Variants in USP30 observed in about 807,000 individuals in gnomAD.
USP30 encodes the protein ubiquitin carboxyl-terminal hydrolase 30.
In USP30, 41 loss-of-function variants were observed where a neutral mutation model predicts 68.2. That is an observed-to-expected ratio of 0.60 (90% CI 0.47 to 0.78). The LOEUF is 0.78. Ranked by LOEUF, USP30 falls within the 30% of genes least tolerant of loss-of-function variation. The pLI, the probability that USP30 is intolerant of heterozygous loss-of-function variation, is 0.00. For synonymous variants in USP30, 229 were observed against 253.7 expected (o/e 0.90, Z 0.93); for missense variants, 522 against 649.4 (o/e 0.80, Z 2.13).
rs114685744 is a variant in USP30 at position 109,026,046 on chromosome 12, T to C, written c.-228+974T>C. Among the ~76,000 whole-genome samples, 1,230 of 152,170 alleles carry C rather than the reference T, an allele frequency of 8.1e-3. 13 individuals carry two copies. Among genetic ancestry groups the C allele is most frequent in the African/African-American group, 0.027 (1,140 of 41,530 alleles). On this transcript the variant is annotated intron_variant, in intron 2 of 15. Coordinates refer to the USP30 transcript ENST00000392784. ...TTTATTTTTAAAACCATGTGTATCTTACTACCATGATTCTTTTAAATAATT... is the reference window on the plus strand; with the variant it reads ...TTTATTTTTAAAACCATGTGTATCTCACTACCATGATTCTTTTAAATAATT...
intron 3 of USP30, among the ~76,000 whole-genome samples, chr12:109,029,893 C>T (rs1334288027): frequency 2.0e-5 from 3 of 152,252 alleles, no homozygotes; most frequent in Admixed American, 2.0e-4. Context: ...TAATGGTACC[C>T]TATCTGTTAA....
upstream of USP30, among the ~76,000 whole-genome samples, chr12:109,048,047 ATCATGGG>A (rs1380117547): frequency 2.7e-5 from 4 of 148,588 alleles, no homozygotes; most frequent in Non-Finnish European, 5.9e-5. Flanking sequence ...GAGTGATGTG[ATCATGGG>A]TCTGACGTCT....
intron 3 of USP30, among the ~76,000 whole-genome samples, chr12:109,043,210 C>T (rs1323990103): frequency 1.3e-5 from 2 of 152,130 alleles, no homozygotes; most frequent in African/African-American, 4.8e-5. Flanking sequence ...CTGTCAAAAT[C>T]CCGTTTACTT....
At chr12:109,034,900 T>C (rs2040508227) in intron 3 of USP30, among the ~76,000 whole-genome samples, 2 of 152,240 alleles carry the variant, frequency 1.3e-5, no homozygotes, top group Admixed American at 6.5e-5. Context: ...ACAATTTTTG[T>C]CTCAAAGTCT....
intron 7 of USP30, among the ~76,000 whole-genome samples, chr12:109,079,333 C>CT (rs2041711530): frequency 2.9e-5 from 1 of 34,578 alleles, no homozygotes; most frequent in Non-Finnish European, 6.7e-5. Context: ...TTTTTCTTTT[C>CT]TTTTTCTTTT....
At chr12:109,035,676 T>C (rs73413051) in intron 3 of USP30, among the ~76,000 whole-genome samples, 4,542 of 152,280 alleles carry the variant, frequency 0.03, 192 homozygotes, top group African/African-American at 0.094. Flanking sequence ...TTTTGATTTA[T>C]AACAATCTAG....
At chr12:109,051,933 T>C (rs2040681855), upstream of USP30, among the ~76,000 whole-genome samples, 1 of 152,168 alleles carries the variant, frequency 6.6e-6, no homozygotes. Flanking sequence ...GTGGCTCCTG[T>C]ATATTTCTGT....
chr12:109,078,393 C>T (rs1229201526), intron 7 of USP30, among the ~76,000 whole-genome samples: 3 of 151,376 alleles, frequency 2.0e-5, no homozygotes, highest in Admixed American at 6.6e-5. Flanking sequence ...CACTGCACTT[C>T]AGTCTGGGCG....
At position 109,082,851 on chromosome 12, in the gene USP30, G is replaced by A; in HGVS notation, c.957G>A (p.Gln319=). The change falls in exon 11 of 13, where the codon CAG becomes CAA. Residue 319 remains glutamine, a synonymous_variant. Coordinates refer to ENST00000257548, the MANE Select transcript of USP30 (RefSeq NM_032663.5). ...VKQLKLGKLP[Q]CLCIHLQRLS... is the part of the protein sequence containing the mutation. ...TTCTCTTCCACCCGCAGCTCCCTCA[G>A]TGTCTCTGCATCCACCTACAGCGGC... 6.2e-7 allele frequency: 1 copy of A among 1,613,764 alleles called. No homozygotes were observed. The highest frequency in any genetic ancestry group is 1.7e-5 in the Admixed American group (1 of 60,000).
At chr12:109,082,158 T>G in intron 9 of USP30, 139 bp downstream of exon 9, 2 of 876,058 alleles carry the variant, frequency 2.3e-6, no homozygotes, top group Non-Finnish European at 3.6e-6. Context: ...TAATTTGGTT[T>G]GGACATTGGC....
chr12:109,060,631 C>T (rs1000411724), intron 3 of USP30, among the ~76,000 whole-genome samples: 16 of 152,004 alleles, frequency 1.1e-4, no homozygotes, highest in African/African-American at 7.2e-5. Context: ...ATTTTAAATG[C>T]GAAAATAGAA....
At chr12:109,079,339 CTTTTTTTTTTTCTTTTTTTTTTTTTTT>C (rs2041717968) in intron 7 of USP30, among the ~76,000 whole-genome samples, 2 of 62,250 alleles carry the variant, frequency 3.2e-5, no homozygotes, top group Admixed American at 4.7e-4. Flanking sequence ...TTTTCTTTTT[CTTTTTTTTTTTCTTTTTTTTTTTTTTT>C]TTTTTTTTTT....
chr12:109,026,312 G>T (rs2040444695), intron 2 of USP30, among the ~76,000 whole-genome samples: 2 of 152,096 alleles, frequency 1.3e-5, no homozygotes, highest in Admixed American at 1.3e-4. Context: ...CTGGGCTCAA[G>T]TGATCCACCC....
chr12:109,051,850 G>A (rs755269140), upstream of USP30, among the ~76,000 whole-genome samples: 44 of 152,176 alleles, frequency 2.9e-4, no homozygotes, highest in Non-Finnish European at 6.0e-4. Context: ...GATTACAGGC[G>A]TGAGCCACGG....
At chr12:109,036,553 C>T (rs192807115) in intron 3 of USP30, among the ~76,000 whole-genome samples, 2 of 152,266 alleles carry the variant, frequency 1.3e-5, no homozygotes, top group East Asian at 3.9e-4. Flanking sequence ...CCTGCTTGGC[C>T]TCCCAAAGTG....
At position 109,087,089 on chromosome 12, in the gene USP30, C is replaced by T. The variant is rs1422063224; in HGVS notation, c.*1158C>T. ...TTCTGAATTTATTCATTTCCAATAG[C>T]CTAATACAAAAAGTATATATTGAGC... On this transcript the variant is annotated 3_prime_UTR_variant, in exon 13 of 13. Coordinates refer to ENST00000257548, the MANE Select transcript of USP30 (RefSeq NM_032663.5). The T allele has an allele frequency of 3.9e-5, 6 of 152,020 alleles. No individual in the cohort carries two copies. The highest frequency in any genetic ancestry group is 1.4e-4 in the African/African-American group (6 of 41,392). The allele number at this position is 152,020 out of a possible 1,614,324, so 9.4% of individuals were successfully genotyped here.
chr12:109,085,914 T>C lies in USP30; in HGVS notation c.1537T>C (p.Cys513Arg). ...LSRMQHQSQE[C>R]KSEE The stretch of plus-strand genomic sequence containing the variant: ...CAGGATGCAGCACCAGAGCCAGGAG[T>C]GCAAGTCTGAAGAATGACTGTGCCC... Residue 513 changes from cysteine to arginine, a missense_variant, in exon 13 of 13, where the codon TGC becomes CGC. Physicochemically the swap from Cys to Arg is radical, Grantham distance 180. Coordinates refer to ENST00000257548, the MANE Select transcript of USP30 (RefSeq NM_032663.5). 1.9e-6 allele frequency: 3 copies of C among 1,613,658 alleles called. No individual in the cohort carries two copies. The highest frequency in any genetic ancestry group is 2.5e-6 in the Non-Finnish European group (3 of 1,179,756).
chr12:109,065,413 A>G (rs2041215862), intron 3 of USP30, among the ~76,000 whole-genome samples: 1 of 152,214 alleles, frequency 6.6e-6, no homozygotes, highest in Admixed American at 6.5e-5. Context: ...GCCTCAAATA[A>G]TCAAAGAGTT....
At chr12:109,079,725 A>C (rs1259569172) in intron 7 of USP30, among the ~76,000 whole-genome samples, 1 of 151,562 alleles carries the variant, frequency 6.6e-6, no homozygotes, top group African/African-American at 2.4e-5. Context: ...CATCGTAATC[A>C]CTGTTGTTTT....
Sources: gnomAD v4.1 joint callset for allele counts (sites outside exome capture counted in the v4.1 genomes callset) on GRCh38, gnomAD v4.1.1 for gene constraint, MANE v1.5 for transcripts, NCBI Gene and HGNC (gene_info 2026-07-23, HGNC 2026-07-21) for gene names.